Variants in JPH3 observed in about 807,000 individuals in gnomAD.
The protein encoded by JPH3 is junctophilin-3.
JPH3 carries 11 observed loss-of-function variants against 59.6 expected under a neutral mutation model. The ratio of observed to expected loss-of-function variants is 0.18; its 90% confidence interval spans 0.12 to 0.31. The LOEUF is 0.31. JPH3 is among the 10% of genes least tolerant of loss of function. The pLI is 1.00. For missense variants in JPH3, 1,202 were observed against 1,105.7 expected (o/e 1.09, Z -1.24); for synonymous variants, 673 against 483.6 (o/e 1.39, Z -5.14).
At chr16:87,656,863 G>T (rs2032519582) in intron 2 of JPH3, among the ~76,000 whole-genome samples, 1 of 152,178 alleles carries the variant, frequency 6.6e-6, no homozygotes. Context: ...AATGCATGGT[G>T]CCTGTGGTGT....
Position 87,691,087 on chromosome 16 carries a change from C to CT in JPH3, c.2166+561_2166+562insT, listed in dbSNP as rs66639740. ...AACTCACCGTCAGCCTCACCCAGCACCCCCCCCCCAAATTCGTTCCTCCAG... is the reference window on the plus strand; with the variant it reads ...AACTCACCGTCAGCCTCACCCAGCACTCCCCCCCCCAAATTCGTTCCTCCAG... On this transcript the variant is annotated intron_variant, in intron 4 of 4. Transcript: ENST00000284262. Among the ~76,000 whole-genome samples the CT allele has an allele frequency of 5.8e-5, 3 of 51,816 alleles. No individual in the cohort carries two copies. The South Asian group carries it at 3.0e-3, about 51-fold the overall frequency. The allele number at this position is 51,816 out of a possible 152,430, so 34.0% of individuals were successfully genotyped here. A position where few individuals can be genotyped will look rare whatever the true frequency, so the allele number is the denominator to read the frequency against.
rs750501910 is a variant in JPH3, at chr16:87,689,840, G to A, written c.1480G>A (p.Ala494Thr). The A allele has an allele frequency of 4.9e-5, 75 of 1,538,662 alleles. No individual in the cohort carries two copies. The South Asian group carries it at 7.1e-4, about 14-fold the overall frequency. The change falls in exon 4 of 5, where the codon GCC becomes ACC. Residue 494 changes from alanine to threonine, a missense_variant. Coordinates refer to ENST00000284262, the MANE Select transcript of JPH3 (RefSeq NM_020655.4). ...GGCCACCCCGCCGCCCGCGCCCGCC[G>A]CCAGGAACAAGGTCGCCCACTTCTC... ...PAATPPPAPAARNKVAHFSRQ... is the reference protein window; with the variant it reads ...PAATPPPAPATRNKVAHFSRQ...
At chr16:87,619,649 G>A (rs563814636) in intron 1 of JPH3, among the ~76,000 whole-genome samples, 1 of 152,190 alleles carries the variant, frequency 6.6e-6, no homozygotes, top group African/African-American at 2.4e-5. Context: ...CGGACACCAC[G>A]ACGGCTGCAG....
At chr16:87,612,064 G>T (rs1000544569) in intron 1 of JPH3, among the ~76,000 whole-genome samples, 23 of 152,206 alleles carry the variant, frequency 1.5e-4, no homozygotes, top group African/African-American at 4.6e-4. Flanking sequence ...AGATGCCCGG[G>T]CCCCACCCAC....
At chr16:87,640,769 C>G (rs2031922934) in intron 1 of JPH3, among the ~76,000 whole-genome samples, 1 of 152,226 alleles carries the variant, frequency 6.6e-6, no homozygotes, top group South Asian at 2.1e-4. Context: ...ATCTGAAACT[C>G]AGATGTTACC....
At chr16:87,674,644 G>T (rs2033100493) in intron 2 of JPH3, among the ~76,000 whole-genome samples, 1 of 152,260 alleles carries the variant, frequency 6.6e-6, no homozygotes, top group Non-Finnish European at 1.5e-5. Context: ...AGAATGAAGA[G>T]TCATTTTCTG....
chr16:87,644,882 G>C lies in JPH3; in HGVS notation c.1007G>C (p.Gly336Ala), dbSNP rs1463730931. The change falls in exon 2 of 5, where the codon GGC becomes GCC. Residue 336 changes from glycine to alanine, a missense_variant. Transcript: ENST00000284262. ...MTFPDGTKEEGKYKQNILVGG... is the reference protein window; with the variant it reads ...MTFPDGTKEEAKYKQNILVGG... Reference sequence around the variant, plus strand: ...TTCCCGGACGGCACCAAGGAGGAGGGCAAGTACAAGCAGAACATCCTCGTC... The same window carrying C: ...TTCCCGGACGGCACCAAGGAGGAGGCCAAGTACAAGCAGAACATCCTCGTC... The C allele has an allele frequency of 5.6e-6, 9 of 1,613,348 alleles. No individual in the cohort carries two copies. Among genetic ancestry groups the C allele is most frequent in the Non-Finnish European group, 7.6e-6 (9 of 1,179,920 alleles).
At position 87,664,158 on chromosome 16, in the gene JPH3, C is replaced by T. The variant is rs183820959; in HGVS notation, c.1160+19123C>T. 7.9e-5 allele frequency among the ~76,000 whole-genome samples: 12 copies of T among 151,686 alleles called. 1 individual carries two copies. Among genetic ancestry groups the T allele is most frequent in the African/African-American group, 2.4e-4 (10 of 41,260 alleles). Reference sequence around the variant, plus strand: ...CATCCTGGCTAACACGGTGAAACCTCGTCTCTACTAAAAATATAAAAAATT... The same window carrying T: ...CATCCTGGCTAACACGGTGAAACCTTGTCTCTACTAAAAATATAAAAAATT... On this transcript the variant is annotated intron_variant, in intron 2 of 4. Coordinates refer to ENST00000284262, the MANE Select transcript of JPH3 (RefSeq NM_020655.4).
chr16:87,668,070 C>CT (rs1470300204), intron 2 of JPH3, among the ~76,000 whole-genome samples: 1 of 152,232 alleles, frequency 6.6e-6, no homozygotes, highest in Non-Finnish European at 1.5e-5. Flanking sequence ...CCCGCATCCT[C>CT]TGACTACCGT....
At chr16:87,669,712 C>G (rs906365644) in intron 2 of JPH3, among the ~76,000 whole-genome samples, 7 of 152,052 alleles carry the variant, frequency 4.6e-5, no homozygotes, top group African/African-American at 1.4e-4. Flanking sequence ...GGCAGGACCC[C>G]GTAGGGAGAT....
At chr16:87,625,518 G>C (rs1238880104) in intron 1 of JPH3, among the ~76,000 whole-genome samples, 1 of 152,204 alleles carries the variant, frequency 6.6e-6, no homozygotes, top group Non-Finnish European at 1.5e-5. Context: ...CTGAGCAGGA[G>C]GAGCAGGGCC....
chr16:87,686,696 G>A (rs1356304962), intron 3 of JPH3, among the ~76,000 whole-genome samples: 1 of 151,580 alleles, frequency 6.6e-6, no homozygotes, highest in East Asian at 1.9e-4. Context: ...GATGCTTCCT[G>A]GAGGGCTCAG....
intron 3 of JPH3, 102 bp from the exon 4 acceptor site, chr16:87,689,544 G>C: frequency 7.8e-7 from 1 of 1,274,492 alleles, no homozygotes. Context: ...AAGCGCCTCT[G>C]CTGCCCTGAG....
In JPH3 at chr16:87,636,196, G is replaced by C. The variant is rs776584397; in HGVS notation, c.383-8062G>C. ...GCTTGGGTTTGCCCCCCACAGCCTT[G>C]GATCTTGACCTTGGGAGAGGCCTCC... On this transcript the variant is annotated intron_variant, in intron 1 of 4. Transcript: ENST00000284262. 6.6e-5 allele frequency among the ~76,000 whole-genome samples: 10 copies of C among 152,288 alleles called. No homozygotes were observed. In the South Asian group the frequency reaches 8.3e-4, roughly 13 times the overall value.
chr16:87,680,512 G>A (rs1454613808), intron 2 of JPH3, among the ~76,000 whole-genome samples: 1 of 152,220 alleles, frequency 6.6e-6, no homozygotes, highest in Non-Finnish European at 1.5e-5. Flanking sequence ...GGGCAAGAAC[G>A]ATCGCGACCT....
chr16:87,627,661 AT>A (rs111920944), intron 1 of JPH3, among the ~76,000 whole-genome samples: 27,411 of 152,016 alleles, frequency 0.18, 3,584 homozygotes, highest in African/African-American at 0.37. Flanking sequence ...GGAGGGAATG[AT>A]TTTTTATCCC....
chr16:87,637,262 C>A (rs7203383), intron 1 of JPH3, among the ~76,000 whole-genome samples: 78,845 of 152,034 alleles, frequency 0.52, 21,209 homozygotes, highest in African/African-American at 0.67. Flanking sequence ...TCACGGGGTT[C>A]TGATCATCAG....
intron 4 of JPH3, chr16:87,695,512 C>A (rs1355520909): frequency 2.2e-6 from 1 of 454,370 alleles, no homozygotes. Context: ...TTCCAGGTGG[C>A]TGCGAGATGC....
intron 1 of JPH3, among the ~76,000 whole-genome samples, chr16:87,636,840 A>AT (rs1345319924): frequency 6.6e-6 from 1 of 152,148 alleles, no homozygotes; most frequent in African/African-American, 2.4e-5. Context: ...GGTGGGTGCG[A>AT]TTGTCACCCT....
Sources: gnomAD v4.1 joint callset for allele counts (sites outside exome capture counted in the v4.1 genomes callset) on GRCh38, gnomAD v4.1.1 for gene constraint, MANE v1.5 for transcripts, NCBI Gene and HGNC (gene_info 2026-07-23, HGNC 2026-07-21) for gene names.